The following LIMS1 variants were observed in gnomAD, a reference collection of about 807,000 sequenced individuals.
LIMS1 encodes the protein LIM and senescent cell antigen-like-containing domain protein 1.
LIMS1 carries 18 observed loss-of-function variants against 44.1 expected under a neutral mutation model. That is an observed-to-expected ratio of 0.41 (90% CI 0.28 to 0.61). LIMS1 has a LOEUF of 0.61. Among genes scored for constraint, LIMS1 ranks in the 20% least tolerant of loss-of-function variants. LIMS1 has a pLI of 0.32. For synonymous variants in LIMS1, 93 were observed against 149.1 expected (o/e 0.62, Z 2.74); for missense variants, 201 against 422.0 (o/e 0.48, Z 4.59).
chr2:108,546,973 A>G lies in LIMS1; in HGVS notation c.32+12379A>G, dbSNP rs1209720334. On this transcript the variant is annotated intron_variant, in intron 1 of 9. Coordinates refer to ENST00000544547, the Ensembl canonical transcript of LIMS1. ...TATAACTTTAGTCTGTTACGGAAAA[A>G]ATGAAATGGCTGATAGATAAGAGTT... is the stretch of plus-strand genomic sequence containing the variant. Among the ~76,000 whole-genome samples, 5 of 152,204 alleles carry G rather than the reference A, an allele frequency of 3.3e-5. No individual in the cohort carries two copies. In the East Asian group the frequency reaches 7.7e-4, roughly 23 times the overall value.
rs919981529 is a variant in LIMS1, at chr2:108,621,346, G to A, written c.33-38259G>A. On this transcript the variant is annotated intron_variant, in intron 1 of 9. Transcript: ENST00000544547. ...TTAAAGTGTCAGCAATTGATGTGTG[G>A]AGAGAAGTATGACTGCATTACAGCT... is the stretch of plus-strand genomic sequence containing the variant. 5 of 1,549,990 alleles carry A rather than the reference G, an allele frequency of 3.2e-6. No individual in the cohort carries two copies. The African/African-American group carries it at 5.5e-5, about 17-fold the overall frequency.
intron 1 of LIMS1, among the ~76,000 whole-genome samples, chr2:108,641,640 AT>A (rs1689673152): frequency 6.6e-6 from 1 of 152,244 alleles, no homozygotes; most frequent in South Asian, 2.1e-4. Flanking sequence ...CATGTAAAAA[AT>A]GTGCTATTTT....
At chr2:108,603,495 C>CTTTTTTTTTTTTT (rs55909729) in intron 1 of LIMS1, among the ~76,000 whole-genome samples, 3 of 88,222 alleles carry the variant, frequency 3.4e-5, no homozygotes, top group Admixed American at 1.7e-4. Flanking sequence ...TTTTCATCGC[C>CTTTTTTTTTTTTT]TTTTTTTTTT....
intron 2 of LIMS1, among the ~76,000 whole-genome samples, chr2:108,663,513 C>T (rs1268654606): frequency 6.6e-6 from 1 of 152,094 alleles, no homozygotes; most frequent in East Asian, 1.9e-4. Flanking sequence ...GGGAGTGAAG[C>T]GGAGCCAACA....
At chr2:108,659,030 T>C (rs1314174713) in intron 1 of LIMS1, 1 of 152,358 alleles carries the variant, frequency 6.6e-6, no homozygotes, top group Non-Finnish European at 1.5e-5. Flanking sequence ...TTTTATAATA[T>C]TGGTAATCAG....
intron 1 of LIMS1, among the ~76,000 whole-genome samples, chr2:108,539,227 G>C (rs531303373): frequency 1.1e-4 from 16 of 152,248 alleles, no homozygotes; most frequent in Middle Eastern, 3.4e-3. Context: ...GGGACAACAG[G>C]TACATGCCAC....
intron 1 of LIMS1, among the ~76,000 whole-genome samples, chr2:108,646,745 C>T (rs1294738730): frequency 6.6e-6 from 1 of 152,102 alleles, no homozygotes. Flanking sequence ...CTGGCTCTGT[C>T]GCCAGGCTGG....
At position 108,652,549 on chromosome 2, in the gene LIMS1, T is replaced by C. The variant is rs577086130; in HGVS notation, c.33-7056T>C. 1.6e-4 allele frequency among the ~76,000 whole-genome samples: 24 copies of C among 152,348 alleles called. No individual in the cohort carries two copies. In the South Asian group the frequency reaches 2.1e-3, roughly 13 times the overall value. Reference sequence around the variant, plus strand: ...GAGTGTTGGAGTGTGCAGAGGTATGTGATGGTCAGAGATAACATGAAAGAG... The same window carrying C: ...GAGTGTTGGAGTGTGCAGAGGTATGCGATGGTCAGAGATAACATGAAAGAG... On this transcript the variant is annotated intron_variant, in intron 1 of 9. Coordinates refer to ENST00000544547, the Ensembl canonical transcript of LIMS1.
intron 1 of LIMS1, among the ~76,000 whole-genome samples, chr2:108,592,050 C>T (rs995830011): frequency 2.0e-5 from 3 of 152,158 alleles, no homozygotes; most frequent in Non-Finnish European, 4.4e-5. Flanking sequence ...GTGCCTCGGC[C>T]TCCCAAAGTG....
intron 1 of LIMS1, among the ~76,000 whole-genome samples, chr2:108,629,780 A>T (rs1057173041): frequency 6.6e-6 from 1 of 152,184 alleles, no homozygotes; most frequent in African/African-American, 2.4e-5. Flanking sequence ...GTGATTCTCC[A>T]TGGAGGTGAT....
intron 1 of LIMS1, among the ~76,000 whole-genome samples, chr2:108,610,197 T>TGTGTG (rs1553459479): frequency 6.8e-6 from 1 of 147,218 alleles, no homozygotes; most frequent in Admixed American, 6.8e-5. Context: ...TGTGTGTGTA[T>TGTGTG]TATTATAAAA....
At chr2:108,656,409 G>A (rs2433807) in intron 1 of LIMS1, among the ~76,000 whole-genome samples, 3,501 of 126,908 alleles carry the variant, frequency 0.028, no homozygotes, top group African/African-American at 0.11. Context: ...ATCTTTTTCT[G>A]AAAAATTAGC....
intron 1 of LIMS1, among the ~76,000 whole-genome samples, chr2:108,649,806 C>G (rs1039636090): frequency 6.6e-6 from 1 of 151,948 alleles, no homozygotes; most frequent in Non-Finnish European, 1.5e-5. Flanking sequence ...CATCACACAC[C>G]GGGGCCTGTC....
At chr2:108,652,604 C>T (rs1423222528) in intron 1 of LIMS1, among the ~76,000 whole-genome samples, 6 of 152,238 alleles carry the variant, frequency 3.9e-5, no homozygotes, top group Non-Finnish European at 8.8e-5. Flanking sequence ...AGTCCTGTAA[C>T]TTGATAGAGG....
chr2:108,568,013 G>T (rs1685354377), intron 1 of LIMS1, among the ~76,000 whole-genome samples: 1 of 152,074 alleles, frequency 6.6e-6, no homozygotes, highest in Non-Finnish European at 1.5e-5. Flanking sequence ...TTGGGTAAAT[G>T]GTTATTTTTA....
intron 1 of LIMS1, among the ~76,000 whole-genome samples, chr2:108,545,237 T>A (rs899989203): frequency 2.0e-5 from 3 of 152,174 alleles, no homozygotes; most frequent in African/African-American, 2.4e-5. Context: ...ATCCTCAGGG[T>A]ATATGGTTTA....
chr2:108,635,834 G>T (rs539508970), intron 1 of LIMS1, among the ~76,000 whole-genome samples: 1 of 152,076 alleles, frequency 6.6e-6, no homozygotes, highest in Non-Finnish European at 1.5e-5. Flanking sequence ...TGTTTAAATC[G>T]TCTGTTCCTA....
intron 1 of LIMS1, among the ~76,000 whole-genome samples, chr2:108,639,116 A>G (rs888018798): frequency 6.6e-6 from 1 of 152,178 alleles, no homozygotes; most frequent in Non-Finnish European, 1.5e-5. Flanking sequence ...GCGATACAGA[A>G]CACAACATTA....
At chr2:108,534,749 G>A (rs1004873671) in intron 1 of LIMS1, among the ~76,000 whole-genome samples, 155 bp downstream of exon 1, 2 of 151,242 alleles carry the variant, frequency 1.3e-5, no homozygotes, top group African/African-American at 4.8e-5. Context: ...GCGCTCGGGT[G>A]GCGGCGTGGC....
Sources: allele counts gnomAD v4.1 joint callset (sites outside exome capture counted in the v4.1 genomes callset), GRCh38; gene constraint gnomAD v4.1.1; transcripts MANE v1.5; gene names NCBI Gene and HGNC (gene_info 2026-07-23, HGNC 2026-07-21).